OGFRL1: variants seen among roughly 807,000 people sequenced by gnomAD.
OGFRL1 encodes the protein opioid growth factor receptor like 1, also known as opioid growth factor receptor-like protein 1.
Under a neutral mutation model 32.4 loss-of-function variants are expected in OGFRL1, and 26 were observed. The ratio of observed to expected loss-of-function variants is 0.80; its 90% CI spans 0.59 to 1.11. The LOEUF (loss-of-function observed/expected upper bound fraction) is 1.11. OGFRL1 is among the 50% of genes most tolerant of loss of function. OGFRL1 has a pLI of 0.00. For missense variants in OGFRL1, 521 were observed against 546.4 expected (o/e 0.95, Z 0.46); for synonymous variants, 211 against 201.2 (o/e 1.05, Z -0.41).
Position 71,289,029 on chromosome 6 carries a change from C to T in OGFRL1, c.93C>T (p.Pro31=). 1.5e-6 allele frequency: 2 copies of T among 1,348,704 alleles called. No individual in the cohort carries two copies. Among genetic ancestry groups the T allele is most frequent in the African/African-American group, 1.5e-5 (1 of 64,962 alleles). The allele number at this position is 1,348,704 out of a possible 1,614,324, so 83.5% of individuals were successfully genotyped here. The change falls in exon 1 of 7, where the codon CCC becomes CCT. Residue 31 remains proline (P), a synonymous_variant. Coordinates refer to ENST00000370435, the MANE Select transcript of OGFRL1 (RefSeq NM_024576.5). The part of the protein sequence containing the change: ...STWQTDSEPE[P]EEPGPGGGSE... Reference sequence around the variant, plus strand: ...GGCAGACCGACTCGGAGCCCGAGCCCGAAGAACCAGGGCCGGGCGGCGGCA... The same window carrying T: ...GGCAGACCGACTCGGAGCCCGAGCCTGAAGAACCAGGGCCGGGCGGCGGCA...
intron 1 of OGFRL1, among the ~76,000 whole-genome samples, chr6:71,292,395 G>A (rs984204813): frequency 1.3e-5 from 2 of 152,254 alleles, no homozygotes; most frequent in African/African-American, 4.8e-5. Flanking sequence ...ATGGAGGACA[G>A]GGGTTGAGGA....
chr6:71,290,270 C>CT (rs1487935229), intron 1 of OGFRL1, among the ~76,000 whole-genome samples: 1 of 152,170 alleles, frequency 6.6e-6, no homozygotes, highest in African/African-American at 2.4e-5. Context: ...AAACCCAAGT[C>CT]TATCTATCAC....
intron 1 of OGFRL1, chr6:71,289,548 T>TA (rs1158690810): frequency 0.025 from 13,596 of 534,830 alleles, 183 homozygotes; most frequent in African/African-American, 0.085. Context: ...GTGTTATTGG[T>TA]AAAAAAAAAA....
chr6:71,297,735 A>AT lies in OGFRL1; in HGVS notation c.692+925dup, dbSNP rs1213208183. 5.3e-5 allele frequency among the ~76,000 whole-genome samples: 8 copies of AT among 151,792 alleles called. No individual in the cohort carries two copies. In the East Asian group the frequency reaches 1.5e-3, roughly 29 times the overall value. On this transcript the variant is annotated intron_variant, in intron 6 of 6. Transcript: ENST00000370435. ...TCTACGTTTTGTGCATCAGTTAACT[A>AT]TTTTTTTATGTGTTTTTATAGAACT...
rs1340398674 is a variant in OGFRL1, at chr6:71,302,036, T to TACTAGTACA, written c.1344_1352dup (p.Leu449_Gln451dup). 3 of 1,549,024 alleles carry TACTAGTACA rather than the reference T, an allele frequency of 1.9e-6. No individual in the cohort carries two copies. In the Admixed American group the frequency reaches 6.4e-5, roughly 33 times the overall value. On this transcript the variant is annotated inframe_insertion, in exon 7 of 7. Coordinates refer to ENST00000370435, the MANE Select transcript of OGFRL1 (RefSeq NM_024576.5). ...GGAAATACAAATTGCCATGATGTTG[T>TACTAGTACA]ACTAGTACAGTGAATTATCAGAAAA...
intron 1 of OGFRL1, chr6:71,289,769 C>T (rs572288983): frequency 1.0e-6 from 1 of 985,250 alleles, no homozygotes. Context: ...CTTGTTGATC[C>T]AACTGTGTTT....
chr6:71,298,334 G>A (rs887446296), intron 6 of OGFRL1, among the ~76,000 whole-genome samples: 7 of 151,996 alleles, frequency 4.6e-5, no homozygotes, highest in African/African-American at 7.2e-5. Flanking sequence ...ATGAAAGACA[G>A]CAATAGTAAC....
chr6:71,296,233 A>G (rs1003362192), intron 3 of OGFRL1, 84 bp from the exon 4 acceptor site: 2 of 889,972 alleles, frequency 2.2e-6, no homozygotes, highest in African/African-American at 1.7e-5. Context: ...ACAAGTTTTC[A>G]TATAAAACTC....
chr6:71,301,331 C>T, intron 6 of OGFRL1, 55 bp from the exon 7 acceptor site: 1 of 1,393,896 alleles, frequency 7.2e-7, no homozygotes, highest in Non-Finnish European at 9.8e-7. Context: ...TTTTCATTCT[C>T]CTGCCTTCCT....
At position 71,289,184 on chromosome 6, in the gene OGFRL1, C is replaced by T. The variant is rs1467035190; in HGVS notation, c.234+14C>T. On this transcript the variant is annotated intron_variant, in intron 1 of 6. Coordinates refer to ENST00000370435, the MANE Select transcript of OGFRL1 (RefSeq NM_024576.5). Reference sequence around the variant, plus strand: ...GGCGCCGAGCAGGTACGCGGCCCAGCGGTGGCCTCGGGTCGGGCTGGGGCG... The same window carrying T: ...GGCGCCGAGCAGGTACGCGGCCCAGTGGTGGCCTCGGGTCGGGCTGGGGCG... 9 of 1,068,830 alleles carry T rather than the reference C, an allele frequency of 8.4e-6. No individual in the cohort carries two copies. The highest frequency in any genetic ancestry group is 1.0e-5 in the Non-Finnish European group (9 of 885,946). The allele number at this position is 1,068,830 out of a possible 1,614,324, so 66.2% of individuals were successfully genotyped here. A position where few individuals can be genotyped will look rare whatever the true frequency, so the allele number is the denominator to read the frequency against.
At chr6:71,289,395 G>C in intron 1 of OGFRL1, 1 of 984,918 alleles carries the variant, frequency 1.0e-6, no homozygotes, top group Non-Finnish European at 1.2e-6. Context: ...GGGCCTGGCC[G>C]AGGGCACGGC....
At chr6:71,294,587 G>A (rs1209241141) in intron 3 of OGFRL1, among the ~76,000 whole-genome samples, 1 of 152,162 alleles carries the variant, frequency 6.6e-6, no homozygotes, top group Non-Finnish European at 1.5e-5. Context: ...CTACCAGTTG[G>A]GAGTTAATAT....
intron 1 of OGFRL1, chr6:71,291,506 T>G (rs1462917869): frequency 6.6e-6 from 1 of 152,210 alleles, no homozygotes; most frequent in Non-Finnish European, 1.5e-5. Context: ...TACTACAGCA[T>G]GTTTGTTTGA....
intron 1 of OGFRL1, 22 bp from the exon 2 acceptor site, chr6:71,293,271 G>A (rs757134007): frequency 5.1e-5 from 81 of 1,593,298 alleles, no homozygotes; most frequent in Middle Eastern, 1.7e-4. Context: ...ACATGTAAAC[G>A]GAGTTTCACC....
At chr6:71,295,077 T>G (rs1183395863) in intron 3 of OGFRL1, 1 of 152,166 alleles carries the variant, frequency 6.6e-6, no homozygotes, top group Non-Finnish European at 1.5e-5. Context: ...ATAAAATGTT[T>G]ATCCTAGTTT....
chr6:71,296,869 G>A (rs761371333), intron 6 of OGFRL1, 52 bp downstream of exon 6: 6 of 1,563,090 alleles, frequency 3.8e-6, no homozygotes, highest in Non-Finnish European at 5.2e-6. Flanking sequence ...ATTTTCCCTT[G>A]GTCAGAGTTC....
Position 71,289,161 on chromosome 6 carries a change from C to T in OGFRL1, c.225C>T (p.Gly75=), listed in dbSNP as rs1765957574. The T allele has an allele frequency of 9.3e-7, 1 of 1,076,660 alleles. No homozygotes were observed. The highest frequency in any genetic ancestry group is 1.1e-6 in the Non-Finnish European group (1 of 891,652). The allele number at this position is 1,076,660 out of a possible 1,614,324, so 66.7% of individuals were successfully genotyped here. The change falls in exon 1 of 7, where the codon GGC becomes GGT. Residue 75 remains glycine (G), a synonymous_variant. Transcript: ENST00000370435. ...CGGACGAGGACGCCGAGGCGGCGGG[C>T]GCCGAGCAGGTACGCGGCCCAGCGG... ...PAPDEDAEAA[G]AEQGGDSTEA... is the part of the protein sequence containing the mutation.
chr6:71,289,122 C>T lies in OGFRL1; in HGVS notation c.186C>T (p.Gly62=), dbSNP rs1404577990. ...CGGAGCAAGCCGGCGGGCGGCCCGG[C>T]GCCAGCCCCGCGCCGGACGAGGACG... ...QPPEQAGGRP[G]ASPAPDEDAE... The change falls in exon 1 of 7, where the codon GGC becomes GGT. Residue 62 remains glycine (G), a synonymous_variant. Transcript: ENST00000370435. The T allele has an allele frequency of 2.3e-5, 25 of 1,108,430 alleles. No homozygotes were observed. Among genetic ancestry groups the T allele is most frequent in the Admixed American group, 1.0e-4 (2 of 19,598 alleles). 68.7% of individuals were successfully genotyped at this position (1,108,430 alleles called of 1,614,324 possible). A position where few individuals can be genotyped will look rare whatever the true frequency, so the allele number is the denominator to read the frequency against.
intron 1 of OGFRL1, chr6:71,289,512 G>T: frequency 4.9e-6 from 4 of 812,272 alleles, no homozygotes; most frequent in Non-Finnish European, 5.7e-6. Context: ...TCTAAAAATA[G>T]AGGATTTTGA....
Sources: allele counts gnomAD v4.1 joint callset (sites outside exome capture counted in the v4.1 genomes callset), GRCh38; gene constraint gnomAD v4.1.1; transcripts MANE v1.5; gene names NCBI Gene and HGNC (gene_info 2026-07-23, HGNC 2026-07-21).